The following CHODL variants were observed in gnomAD, a reference collection of about 807,000 sequenced individuals.
CHODL encodes the protein transmembrane protein MT75.
In CHODL, 29 loss-of-function variants were observed where a neutral mutation model predicts 34.5. The ratio of observed to expected loss-of-function variants is 0.84; its 90% CI spans 0.63 to 1.15. The LOEUF is 1.15. Ranked by LOEUF, CHODL falls within the 50% of genes most tolerant of loss-of-function variation. The pLI, the probability that CHODL is intolerant of heterozygous loss-of-function variation, is 0.00. For missense variants in CHODL, 332 were observed against 332.5 expected (o/e 1.00, Z 0.01); for synonymous variants, 125 against 116.1 (o/e 1.08, Z -0.49).
At chr21:18,131,445 A>G (rs1316289708) in intron 2 of CHODL, among the ~76,000 whole-genome samples, 1 of 152,184 alleles carries the variant, frequency 6.6e-6, no homozygotes, top group African/African-American at 2.4e-5. Flanking sequence ...ATTTCAATTT[A>G]CGAACATTTT....
intron 2 of CHODL, among the ~76,000 whole-genome samples, chr21:18,070,755 T>G (rs1284649188): frequency 6.6e-6 from 1 of 152,126 alleles, no homozygotes; most frequent in East Asian, 1.9e-4. Context: ...CCTCCACATG[T>G]CCTTCCTGGA....
Position 18,256,864 on chromosome 21 carries a change from A to G in CHODL, c.389+46A>G, listed in dbSNP as rs765168334. The G allele has an allele frequency of 7.5e-6, 12 of 1,589,738 alleles. No homozygotes were observed. The East Asian group carries it at 1.1e-4, about 15-fold the overall frequency. On this transcript the variant is annotated intron_variant, in intron 2 of 5. Transcript: ENST00000299295. Reference sequence around the variant, plus strand: ...GTTGGCAGGTGCTCTGGGGAACTCCAAAGATAGAGGGAGGACTCTGTTACC... The same window carrying G: ...GTTGGCAGGTGCTCTGGGGAACTCCGAAGATAGAGGGAGGACTCTGTTACC...
intron 2 of CHODL, among the ~76,000 whole-genome samples, chr21:18,163,437 CT>C (rs1161083819): frequency 1.3e-5 from 2 of 151,882 alleles, no homozygotes; most frequent in South Asian, 2.1e-4. Context: ...TTTCAATTGC[CT>C]TTTTTTTCCC....
intron 1 of CHODL, among the ~76,000 whole-genome samples, chr21:17,923,177 G>A (rs2063195892): frequency 6.6e-6 from 1 of 152,132 alleles, no homozygotes; most frequent in South Asian, 2.1e-4. Flanking sequence ...GTCCCAGCTT[G>A]ACTTTTCCCT....
intron 2 of CHODL, among the ~76,000 whole-genome samples, chr21:18,075,336 T>C (rs898377236): frequency 3.3e-5 from 5 of 152,204 alleles, no homozygotes; most frequent in African/African-American, 9.6e-5. Context: ...TCTAGTACTG[T>C]AATTCTAGAA....
intron 2 of CHODL, among the ~76,000 whole-genome samples, chr21:18,034,236 A>G (rs1328175449): frequency 1.3e-5 from 2 of 152,070 alleles, no homozygotes; most frequent in Non-Finnish European, 2.9e-5. Context: ...TGTCATGCAA[A>G]CTTTGCCTCC....
At chr21:18,146,708 C>A (rs79044918) in intron 2 of CHODL, among the ~76,000 whole-genome samples, 1 of 152,196 alleles carries the variant, frequency 6.6e-6, no homozygotes, top group Non-Finnish European at 1.5e-5. Context: ...ACAGTACTTA[C>A]ACATTTTTTA....
chr21:18,198,663 T>C (rs1036952246), intron 2 of CHODL, among the ~76,000 whole-genome samples: 1 of 152,108 alleles, frequency 6.6e-6, no homozygotes, highest in African/African-American at 2.4e-5. Context: ...GTAAAAGACA[T>C]TCCTGAGATA....
chr21:17,988,417 C>A (rs1464802151), intron 1 of CHODL, among the ~76,000 whole-genome samples: 1 of 92,096 alleles, frequency 1.1e-5, no homozygotes. Flanking sequence ...TATTATTATA[C>A]TTTAAGTTTT....
chr21:18,120,771 T>C (rs990219571), intron 2 of CHODL, among the ~76,000 whole-genome samples: 4 of 151,726 alleles, frequency 2.6e-5, no homozygotes, highest in African/African-American at 4.8e-5. Context: ...ATCCTGATAA[T>C]GGACTTCTCT....
chr21:18,203,731 C>T (rs1291954338), intron 2 of CHODL, among the ~76,000 whole-genome samples: 1 of 152,100 alleles, frequency 6.6e-6, no homozygotes, highest in Non-Finnish European at 1.5e-5. Context: ...ATCAAAGGAA[C>T]ATATTAATGT....
chr21:18,197,485 G>T (rs2073603032), intron 2 of CHODL, among the ~76,000 whole-genome samples: 2 of 152,100 alleles, frequency 1.3e-5, no homozygotes, highest in African/African-American at 4.8e-5. Flanking sequence ...TGGTGGTGGT[G>T]CATGCCTGTA....
chr21:18,243,104 G>A (rs2074097481), upstream of CHODL, among the ~76,000 whole-genome samples: 1 of 152,174 alleles, frequency 6.6e-6, no homozygotes, highest in Non-Finnish European at 1.5e-5. Flanking sequence ...CATCAACCTT[G>A]ACTGCTGCTA....
chr21:17,982,493 AG>A (rs1211009994), intron 1 of CHODL, among the ~76,000 whole-genome samples: 2 of 152,122 alleles, frequency 1.3e-5, no homozygotes, highest in Admixed American at 1.3e-4. Flanking sequence ...CAGTTAAAAA[AG>A]TAACCTCATT....
chr21:18,151,101 A>G (rs2072961750), intron 2 of CHODL, among the ~76,000 whole-genome samples: 1 of 150,302 alleles, frequency 6.7e-6, no homozygotes, highest in African/African-American at 2.4e-5. Flanking sequence ...AAAAAAAAAA[A>G]AAAAGAAAGA....
intron 2 of CHODL, among the ~76,000 whole-genome samples, chr21:18,193,906 C>A (rs548580960): frequency 3.9e-5 from 6 of 151,994 alleles, no homozygotes; most frequent in South Asian, 2.1e-4. Context: ...AACCTGCCCC[C>A]CCTTGGTAAA....
chr21:18,132,232 GAA>G (rs941134604), intron 2 of CHODL, among the ~76,000 whole-genome samples: 1 of 151,642 alleles, frequency 6.6e-6, no homozygotes. Flanking sequence ...CAAGAAAATA[GAA>G]AAAAAATGGC....
chr21:18,174,222 TC>T (rs1299390322), intron 2 of CHODL, among the ~76,000 whole-genome samples: 5 of 144,616 alleles, frequency 3.5e-5, no homozygotes, highest in Admixed American at 1.4e-4. Flanking sequence ...TCAAAGGAAA[TC>T]CTGTGTTCAA....
intron 2 of CHODL, among the ~76,000 whole-genome samples, chr21:18,059,186 G>A (rs1053907983): frequency 6.6e-6 from 1 of 152,088 alleles, no homozygotes; most frequent in Non-Finnish European, 1.5e-5. Flanking sequence ...CTCTCTCTCT[G>A]TACACACACA....
Sources: allele counts gnomAD v4.1 joint callset (sites outside exome capture counted in the v4.1 genomes callset), GRCh38; gene constraint gnomAD v4.1.1; transcripts MANE v1.5; gene names NCBI Gene and HGNC (gene_info 2026-07-23, HGNC 2026-07-21).